Variants in SAXO1 observed in about 807,000 individuals in gnomAD.
The protein encoded by SAXO1 is stabilizer of axonemal microtubules 1.
Under a neutral mutation model 17.5 loss-of-function variants are expected in SAXO1, and 21 were observed. The ratio of observed to expected loss-of-function variants is 1.20; its 90% CI spans 0.85 to 1.72. The LOEUF is 1.72. SAXO1 is among the 40% of genes most tolerant of loss of function. The pLI is 0.00. For synonymous variants in SAXO1, 274 were observed against 216.5 expected (o/e 1.27, Z -2.33); for missense variants, 843 against 596.0 (o/e 1.41, Z -4.32).
At chr9:18,945,612 C>A (rs938991136) in intron 2 of SAXO1, among the ~76,000 whole-genome samples, 7 of 152,138 alleles carry the variant, frequency 4.6e-5, no homozygotes, top group African/African-American at 1.4e-4. Flanking sequence ...GACACAGAGT[C>A]CTCCTTACCT....
chr9:18,964,406 A>T (rs753380903), intron 1 of SAXO1, among the ~76,000 whole-genome samples: 1 of 152,002 alleles, frequency 6.6e-6, no homozygotes, highest in Non-Finnish European at 1.5e-5. Context: ...TGACCTGGGC[A>T]TTTTTTTGGT....
At chr9:19,034,739 G>C (rs10963924), upstream of SAXO1, among the ~76,000 whole-genome samples, 72,039 of 152,096 alleles carry the variant, frequency 0.47, 18,407 homozygotes, top group African/African-American at 0.67. Flanking sequence ...ACAAAAAAGA[G>C]GTGGGAGCTA....
At chr9:18,990,656 C>T (rs559087818) in intron 1 of SAXO1, among the ~76,000 whole-genome samples, 10 of 152,312 alleles carry the variant, frequency 6.6e-5, no homozygotes, top group African/African-American at 2.4e-4. Flanking sequence ...AGGTGAGTGG[C>T]AGGCGAGCAA....
intron 1 of SAXO1, among the ~76,000 whole-genome samples, chr9:18,958,587 C>G (rs1036764262): frequency 6.6e-5 from 10 of 151,842 alleles, no homozygotes; most frequent in African/African-American, 2.4e-4. Flanking sequence ...AATGATATAC[C>G]AACTAGCAGT....
intron 1 of SAXO1, among the ~76,000 whole-genome samples, chr9:19,012,029 A>T (rs1834761080): frequency 6.6e-6 from 1 of 151,940 alleles, no homozygotes; most frequent in African/African-American, 2.4e-5. Flanking sequence ...TATTTTTAGT[A>T]GAGACGGGGT....
At chr9:18,973,095 A>G (rs1210231210) in intron 1 of SAXO1, among the ~76,000 whole-genome samples, 1 of 152,270 alleles carries the variant, frequency 6.6e-6, no homozygotes, top group Non-Finnish European at 1.5e-5. Flanking sequence ...AATAGGCAAG[A>G]GAAATCAGGT....
chr9:18,990,730 CTT>C (rs1833780432), intron 1 of SAXO1, among the ~76,000 whole-genome samples: 1 of 152,184 alleles, frequency 6.6e-6, no homozygotes, highest in African/African-American at 2.4e-5. Flanking sequence ...AGCTCTGCCT[CTT>C]GTCAGATCAG....
chr9:18,956,689 C>G (rs1156712362), intron 1 of SAXO1, among the ~76,000 whole-genome samples: 1 of 152,208 alleles, frequency 6.6e-6, no homozygotes, highest in Non-Finnish European at 1.5e-5. Flanking sequence ...ACAATTTCTA[C>G]TACTTAGTAT....
rs143957661 is a variant in SAXO1 at position 19,040,885 on chromosome 9, G to A, written c.-158+8324C>T. ...GGTGGTAACAGAACTATATACTTAC[G>A]TACAATAAATGAATTTTATAGAATT... On this transcript the variant is annotated intron_variant, in intron 1 of 3. Transcript: ENST00000542071. 4.8e-3 allele frequency among the ~76,000 whole-genome samples: 719 copies of A among 150,786 alleles called. 1 individual carries two copies. The highest frequency in any genetic ancestry group is 0.016 in the African/African-American group (665 of 40,978).
intron 1 of SAXO1, among the ~76,000 whole-genome samples, chr9:19,015,989 G>A (rs961511263): frequency 2.0e-5 from 3 of 152,110 alleles, no homozygotes; most frequent in African/African-American, 7.2e-5. Flanking sequence ...CAGCTCTCCA[G>A]TTGATTCTCA....
intron 1 of SAXO1, among the ~76,000 whole-genome samples, chr9:19,003,413 CA>C: frequency 1.3e-5 from 2 of 152,160 alleles, no homozygotes; most frequent in Middle Eastern, 6.8e-3. Context: ...CATATGGAAC[CA>C]AAAAAGAGCC....
intron 1 of SAXO1, among the ~76,000 whole-genome samples, chr9:18,963,873 T>C (rs187200699): frequency 9.8e-4 from 149 of 152,334 alleles, no homozygotes; most frequent in African/African-American, 3.4e-3. Flanking sequence ...TTGTGCTGGT[T>C]TTCAAAGGGA....
intron 1 of SAXO1, among the ~76,000 whole-genome samples, chr9:19,019,137 C>T (rs1835119745): frequency 6.6e-6 from 1 of 151,994 alleles, no homozygotes; most frequent in African/African-American, 2.4e-5. Context: ...AAAGAACCCT[C>T]TTAATTTTCT....
intron 1 of SAXO1, among the ~76,000 whole-genome samples, chr9:18,982,332 GC>G (rs1563960688): frequency 6.6e-6 from 1 of 152,148 alleles, no homozygotes; most frequent in Admixed American, 6.5e-5. Context: ...GAATTCCGAG[GC>G]AATTTTTATT....
rs1830836446 is a variant in SAXO1 at position 18,928,010 on chromosome 9, T to G, written c.*42A>C. ...AACAAATAATTCTCAGTTGTCTGCT[T>G]TTAAAAGTACTGTGTAATTTCTAAA... On this transcript the variant is annotated 3_prime_UTR_variant, in exon 4 of 4. Coordinates refer to ENST00000380534, the MANE Select transcript of SAXO1 (RefSeq NM_153707.4). 6.8e-7 allele frequency: 1 copy of G among 1,477,324 alleles called. No homozygotes were observed. Among genetic ancestry groups the G allele is most frequent in the African/African-American group, 1.4e-5 (1 of 71,426 alleles). 91.5% of individuals were successfully genotyped at this position (1,477,324 alleles called of 1,614,324 possible). A position where few individuals can be genotyped will look rare whatever the true frequency, so the allele number is the denominator to read the frequency against.
intron 1 of SAXO1, among the ~76,000 whole-genome samples, chr9:18,985,909 A>G (rs1833575382): frequency 6.6e-6 from 1 of 152,242 alleles, no homozygotes; most frequent in African/African-American, 2.4e-5. Flanking sequence ...TAAATTAAAC[A>G]AAGTTTATTT....
intron 1 of SAXO1, among the ~76,000 whole-genome samples, chr9:18,955,397 C>A (rs907554175): frequency 6.6e-6 from 1 of 152,114 alleles, no homozygotes; most frequent in Non-Finnish European, 1.5e-5. Flanking sequence ...CAGTTCAGAC[C>A]AGACACATTC....
chr9:19,019,920 C>G (rs56254400), intron 1 of SAXO1, among the ~76,000 whole-genome samples: 79,747 of 151,544 alleles, frequency 0.53, 22,080 homozygotes, highest in Non-Finnish European at 0.62. Context: ...TCAAATACTA[C>G]GTTATTATCC....
chr9:19,034,280 G>C (rs1478622916), upstream of SAXO1, among the ~76,000 whole-genome samples: 1 of 151,888 alleles, frequency 6.6e-6, no homozygotes, highest in Non-Finnish European at 1.5e-5. Context: ...GTGTGGGGGG[G>C]GTTAGGTTTT....
Sources: allele counts gnomAD v4.1 joint callset (sites outside exome capture counted in the v4.1 genomes callset), GRCh38; gene constraint gnomAD v4.1.1; transcripts MANE v1.5; gene names NCBI Gene and HGNC (gene_info 2026-07-23, HGNC 2026-07-21).